MICU3: variants seen among roughly 807,000 people sequenced by gnomAD.
MICU3 encodes mitochondrial calcium uptake 3, also known as calcium uptake protein 3, mitochondrial.
Under a neutral mutation model 66.5 loss-of-function variants are expected in MICU3, and 62 were observed. That is an observed-to-expected ratio of 0.93 (90% CI 0.76 to 1.15). MICU3 has a LOEUF of 1.15. Ranked by LOEUF, MICU3 falls within the 50% of genes most tolerant of loss-of-function variation. The pLI is 0.00. For missense variants in MICU3, 779 were observed against 664.4 expected, an observed-to-expected ratio of 1.17 and a Z score of -1.90; for synonymous variants, 308 against 240.7, an observed-to-expected ratio of 1.28 and a Z score of -2.59.
chr8:17,110,514 G>A (rs77228924), intron 11 of MICU3, among the ~76,000 whole-genome samples: 24 of 152,098 alleles, frequency 1.6e-4, no homozygotes, highest in Middle Eastern at 6.8e-3. Flanking sequence ...GAATCATATA[G>A]CATGTAACCT....
intron 1 of MICU3, among the ~76,000 whole-genome samples, chr8:17,049,109 A>G (rs1815618332): frequency 6.6e-6 from 1 of 152,162 alleles, no homozygotes; most frequent in Non-Finnish European, 1.5e-5. Flanking sequence ...GGAACATTTC[A>G]GACTTTTCTC....
intron 1 of MICU3, among the ~76,000 whole-genome samples, chr8:17,063,040 A>G (rs1818104632): frequency 6.6e-6 from 1 of 152,194 alleles, no homozygotes; most frequent in Non-Finnish European, 1.5e-5. Context: ...TTTCTATGGA[A>G]TATTATACAG....
intron 8 of MICU3, 116 bp downstream of exon 8, chr8:17,090,700 T>C (rs1799956499): frequency 1.3e-6 from 1 of 761,382 alleles, no homozygotes; most frequent in Admixed American, 2.9e-5. Context: ...TGTTTTGGAA[T>C]TTATTGAACA....
intron 11 of MICU3, among the ~76,000 whole-genome samples, chr8:17,110,237 G>C (rs1384257235): frequency 6.6e-6 from 1 of 152,020 alleles, no homozygotes; most frequent in Admixed American, 6.6e-5. Context: ...CCTCTTCCTA[G>C]CCTTTTGTTG....
At chr8:17,081,396 C>T (rs191493830) in intron 4 of MICU3, among the ~76,000 whole-genome samples, 36 of 152,024 alleles carry the variant, frequency 2.4e-4, no homozygotes, top group South Asian at 4.1e-4. Context: ...TGTTAAGAGT[C>T]GTACATTAGA....
At chr8:17,067,297 C>T (rs1446693683) in intron 2 of MICU3, among the ~76,000 whole-genome samples, 1 of 152,130 alleles carries the variant, frequency 6.6e-6, no homozygotes, top group East Asian at 1.9e-4. Flanking sequence ...TCTGTTTCCT[C>T]ATTTATAAAA....
intron 1 of MICU3, among the ~76,000 whole-genome samples, chr8:17,063,012 A>T (rs749540435): frequency 2.0e-4 from 31 of 152,228 alleles, no homozygotes; most frequent in Non-Finnish European, 3.8e-4. Flanking sequence ...AGAATTGTTT[A>T]TGTTATACTA....
At chr8:17,041,244 A>C (rs1814019407) in intron 1 of MICU3, among the ~76,000 whole-genome samples, 1 of 152,120 alleles carries the variant, frequency 6.6e-6, no homozygotes, top group African/African-American at 2.4e-5. Flanking sequence ...AAGTCTGCAA[A>C]AGCTGAAAAG....
the MICU3 span, among the ~76,000 whole-genome samples, chr8:17,130,111 ACTT>A: frequency 1.3e-5 from 2 of 152,258 alleles, no homozygotes; most frequent in African/African-American, 4.8e-5. Flanking sequence ...AGTTAAAAGA[ACTT>A]CTTTAGGCAA....
rs151152944 is a variant in MICU3, at chr8:17,049,236, G to A, written c.382-14848G>A. Among the ~76,000 whole-genome samples the A allele has an allele frequency of 1.2e-3, 186 of 152,270 alleles. 2 individuals carry two copies. In the East Asian group the frequency reaches 0.034, roughly 28 times the overall value. ...GAGCCAGGAAGACCGAGGGAAGGGT[G>A]GTAGAGCATGAGGCAGTGAAACCCA... On this transcript the variant is annotated intron_variant, in intron 1 of 14. Transcript: ENST00000318063.
chr8:17,037,283 G>A (rs1267554166), intron 1 of MICU3, among the ~76,000 whole-genome samples: 2 of 152,184 alleles, frequency 1.3e-5, no homozygotes, highest in East Asian at 1.9e-4. Context: ...GCGGCGGGCC[G>A]AAGAGCTCCT....
At chr8:17,097,641 G>T (rs1800853586) in intron 8 of MICU3, among the ~76,000 whole-genome samples, 1 of 151,648 alleles carries the variant, frequency 6.6e-6, no homozygotes, top group South Asian at 2.1e-4. Context: ...ACACCATGCA[G>T]CATTTCATCT....
intron 6 of MICU3, among the ~76,000 whole-genome samples, chr8:17,086,488 T>C (rs1219219745): frequency 6.6e-6 from 1 of 151,860 alleles, no homozygotes; most frequent in Admixed American, 6.6e-5. Context: ...GAGATGGCGG[T>C]TTTCAATTTG....
chr8:17,066,764 C>A (rs1260953144), intron 2 of MICU3, among the ~76,000 whole-genome samples: 1 of 151,788 alleles, frequency 6.6e-6, no homozygotes, highest in Non-Finnish European at 1.5e-5. Context: ...CCAGGCTTGG[C>A]TTGAACTCCT....
chr8:17,078,713 A>G (rs1287310854), intron 4 of MICU3, among the ~76,000 whole-genome samples: 1 of 152,022 alleles, frequency 6.6e-6, no homozygotes, highest in Non-Finnish European at 1.5e-5. Context: ...TAATTCATAT[A>G]TTTTATTTAA....
intron 11 of MICU3, among the ~76,000 whole-genome samples, chr8:17,110,327 C>T (rs1270337603): frequency 6.6e-6 from 1 of 152,042 alleles, no homozygotes; most frequent in Non-Finnish European, 1.5e-5. Context: ...TTAGTGAATT[C>T]ACAATATTGT....
intron 12 of MICU3, 100 bp downstream of exon 12, chr8:17,114,301 A>T: frequency 1.5e-6 from 1 of 689,290 alleles, no homozygotes; most frequent in Non-Finnish European, 2.4e-6. Context: ...TCACCCATCA[A>T]CTTGTGTGAA....
chr8:17,029,230 C>G (rs1420793584), intron 1 of MICU3, among the ~76,000 whole-genome samples: 1 of 152,204 alleles, frequency 6.6e-6, no homozygotes, highest in Non-Finnish European at 1.5e-5. Context: ...AATCCCAGCA[C>G]TTTGGGAGGT....
intron 1 of MICU3, among the ~76,000 whole-genome samples, chr8:17,062,528 T>A (rs1321755448): frequency 1.3e-5 from 2 of 152,208 alleles, no homozygotes; most frequent in African/African-American, 2.4e-5. Context: ...TGGCTTTTCG[T>A]TTAATAAGAT....
Sources: gnomAD v4.1 joint callset for allele counts (sites outside exome capture counted in the v4.1 genomes callset) on GRCh38, gnomAD v4.1.1 for gene constraint, MANE v1.5 for transcripts, NCBI Gene and HGNC (gene_info 2026-07-23, HGNC 2026-07-21) for gene names.